PDS5B: variants seen among roughly 807,000 people sequenced by gnomAD.
PDS5B encodes the protein PDS5 cohesin associated factor B, also known as sister chromatid cohesion protein PDS5 homolog B.
PDS5B carries 51 observed loss-of-function variants against 184.1 expected under a neutral mutation model. The ratio of observed to expected loss-of-function variants is 0.28; its 90% CI spans 0.22 to 0.35. PDS5B has a LOEUF of 0.35. Among genes scored for constraint, PDS5B ranks in the 10% least tolerant of loss-of-function variants. PDS5B has a pLI of 1.00. For missense variants in PDS5B, 1,180 were observed against 1,723.3 expected, an observed-to-expected ratio of 0.68 and a Z score of 5.58; for synonymous variants, 566 against 569.2, an observed-to-expected ratio of 0.99 and a Z score of 0.08.
intron 1 of PDS5B, among the ~76,000 whole-genome samples, chr13:32,633,825 A>G (rs1017358510): frequency 6.6e-6 from 1 of 152,222 alleles, no homozygotes; most frequent in African/African-American, 2.4e-5. Context: ...TTAATGAGGT[A>G]GAATTAATAG....
chr13:32,718,219 C>T (rs184523354), intron 19 of PDS5B, among the ~76,000 whole-genome samples: 2 of 151,168 alleles, frequency 1.3e-5, no homozygotes, highest in African/African-American at 2.4e-5. Flanking sequence ...GGCATGATCT[C>T]GGCTCACTGC....
chr13:32,655,372 ATATTTTTT>A (rs1203963756), intron 3 of PDS5B, among the ~76,000 whole-genome samples: 28 of 52,282 alleles, frequency 5.4e-4, no homozygotes, highest in African/African-American at 2.6e-3. Flanking sequence ...ATATATATAT[ATATTTTTT>A]TTTTTTTTTT....
At chr13:32,704,049 TTAAA>T (rs1951936722) in intron 17 of PDS5B, among the ~76,000 whole-genome samples, 1 of 152,250 alleles carries the variant, frequency 6.6e-6, no homozygotes, top group South Asian at 2.1e-4. Context: ...CATTGTATAA[TTAAA>T]TGTCAGTCAT....
intron 1 of PDS5B, among the ~76,000 whole-genome samples, chr13:32,598,062 T>G (rs1017092831): frequency 1.3e-5 from 2 of 152,058 alleles, no homozygotes; most frequent in African/African-American, 4.8e-5. Context: ...TACTGGGATT[T>G]TAATTAAATC....
In PDS5B at chr13:32,760,677, A is replaced by T; in HGVS notation, c.3475A>T (p.Ser1159Cys). The T allele has an allele frequency of 6.2e-7, 1 of 1,614,120 alleles. No homozygotes were observed. Among genetic ancestry groups the T allele is most frequent in the Non-Finnish European group, 8.5e-7 (1 of 1,179,978 alleles). The change falls in exon 30 of 35, where the codon AGC becomes TGC. Residue 1159 changes from serine to cysteine, a missense_variant. Around this residue, in one of 11 missense-constraint regions of PDS5B, gnomAD observed 465 missense variants for 497.8 expected, o/e 0.93. Coordinates refer to ENST00000315596, the MANE Select transcript of PDS5B (RefSeq NM_015032.4). ...ACGAATGGAAACTGTAAGCAATGCA[A>T]GCAGCAGCTCAAATCCAAGCTCTCC... ...SSRMETVSNA[S>C]SSSNPSSPGR... is the part of the protein sequence containing the mutation.
chr13:32,707,720 A>G (rs1952071568), intron 18 of PDS5B, among the ~76,000 whole-genome samples: 1 of 149,800 alleles, frequency 6.7e-6, no homozygotes, highest in African/African-American at 2.5e-5. Flanking sequence ...ATAATAATAA[A>G]GTACTTGTCT....
chr13:32,758,132 TA>T lies in PDS5B; in HGVS notation c.3104del (p.Asn1035ThrfsTer10). The T allele has an allele frequency of 6.5e-7, 1 of 1,532,262 alleles. No homozygotes were observed. The highest frequency in any genetic ancestry group is 8.9e-7 in the Non-Finnish European group (1 of 1,124,808). 94.9% of individuals were successfully genotyped at this position (1,532,262 alleles called of 1,614,324 possible). A position where few individuals can be genotyped will look rare whatever the true frequency, so the allele number is the denominator to read the frequency against. On this transcript the variant is annotated frameshift_variant, in exon 27 of 35. Transcript: ENST00000315596. LOFTEE classifies it high-confidence loss of function. ...AAATATTAATGGCTAAAAATGAAAA[TA>T]ACAGTCACGCTTTTATCAGAAAGAT... The part of the protein sequence containing the change: ...LEILMAKNEN[N>X]SHAFIRKMVE...
At chr13:32,640,470 C>T (rs1341754361) in intron 1 of PDS5B, among the ~76,000 whole-genome samples, 2 of 152,162 alleles carry the variant, frequency 1.3e-5, no homozygotes, top group Non-Finnish European at 2.9e-5. Flanking sequence ...TGGTCTCAAA[C>T]TCCTGACCTC....
At chr13:32,755,622 T>C (rs2141003512) in intron 25 of PDS5B, among the ~76,000 whole-genome samples, 3 of 152,246 alleles carry the variant, frequency 2.0e-5, no homozygotes, top group Non-Finnish European at 4.4e-5. Context: ...ATATTGAACA[T>C]GGTAGATGAA....
At chr13:32,597,474 C>T (rs930137212) in intron 1 of PDS5B, among the ~76,000 whole-genome samples, 2 of 151,776 alleles carry the variant, frequency 1.3e-5, no homozygotes, top group Non-Finnish European at 2.9e-5. Context: ...AAGAGGATTG[C>T]TTGAGCCCAG....
chr13:32,596,375 A>C (rs558267467), intron 1 of PDS5B, among the ~76,000 whole-genome samples: 102 of 152,316 alleles, frequency 6.7e-4, no homozygotes, highest in Admixed American at 1.1e-3. Context: ...TTTATTGCTA[A>C]GTAATATTTC....
intron 19 of PDS5B, among the ~76,000 whole-genome samples, chr13:32,729,687 C>G (rs752074512): frequency 2.6e-5 from 4 of 152,218 alleles, no homozygotes; most frequent in East Asian, 1.9e-4. Flanking sequence ...TTGCATTTCT[C>G]TAATGACCAG....
Position 32,714,699 on chromosome 13 carries a change from G to A in PDS5B, c.2123+4593G>A, listed in dbSNP as rs554609147. Among the ~76,000 whole-genome samples, 35 of 152,248 alleles carry A rather than the reference G, an allele frequency of 2.3e-4. No homozygotes were observed. The East Asian group carries it at 6.0e-3, about 26-fold the overall frequency. On this transcript the variant is annotated intron_variant, in intron 19 of 34. Coordinates refer to ENST00000315596, the MANE Select transcript of PDS5B (RefSeq NM_015032.4). ...ACGGCTCTGTTATGCCTGGCTCACC[G>A]GCGGTCAGAGTTTAAGGTTATCTCT...
At chr13:32,631,418 A>G (rs1238209772) in intron 1 of PDS5B, among the ~76,000 whole-genome samples, 1 of 152,102 alleles carries the variant, frequency 6.6e-6, no homozygotes, top group Non-Finnish European at 1.5e-5. Context: ...ATTTCACATT[A>G]TCTAACACAT....
At chr13:32,625,626 A>C (rs1288327674) in intron 1 of PDS5B, among the ~76,000 whole-genome samples, 1 of 152,114 alleles carries the variant, frequency 6.6e-6, no homozygotes, top group Non-Finnish European at 1.5e-5. Flanking sequence ...TTGAGAAGTC[A>C]TTGAAATAAT....
chr13:32,765,956 C>T lies in PDS5B; in HGVS notation c.3624+1362C>T, dbSNP rs548570551. On this transcript the variant is annotated intron_variant, in intron 31 of 34. Transcript: ENST00000315596. The stretch of plus-strand genomic sequence containing the variant: ...TTCTAACTATGTATACTGTAAGTTA[C>T]GATGTTTATTGGCTGTTTAAAATTT... Among the ~76,000 whole-genome samples the T allele has an allele frequency of 4.6e-5, 7 of 152,248 alleles. No homozygotes were observed. The East Asian group carries it at 5.8e-4, about 13-fold the overall frequency.
chr13:32,620,229 A>G (rs553097630), intron 1 of PDS5B, among the ~76,000 whole-genome samples: 2 of 152,246 alleles, frequency 1.3e-5, no homozygotes, highest in African/African-American at 4.8e-5. Flanking sequence ...AATGTTCACA[A>G]TACTAATGTT....
intron 13 of PDS5B, among the ~76,000 whole-genome samples, chr13:32,693,035 A>G (rs1951599060): frequency 6.6e-6 from 1 of 152,010 alleles, no homozygotes; most frequent in Non-Finnish European, 1.5e-5. Context: ...AGAAGTTAGA[A>G]TGATTGAGCA....
chr13:32,701,293 T>G, intron 16 of PDS5B, 30 bp from the exon 17 acceptor site: 1 of 1,144,182 alleles, frequency 8.7e-7, no homozygotes, highest in Non-Finnish European at 1.3e-6. Flanking sequence ...TAAATGTACT[T>G]TTGTAATACT....
Sources: allele counts gnomAD v4.1 joint callset (sites outside exome capture counted in the v4.1 genomes callset), GRCh38; gene constraint gnomAD v4.1.1; regional missense constraint gnomAD v4.1.1; transcripts MANE v1.5; gene names NCBI Gene and HGNC (gene_info 2026-07-23, HGNC 2026-07-21).